AGBL1: variants seen among roughly 807,000 people sequenced by gnomAD.
AGBL1 encodes the protein AGBL carboxypeptidase 1.
A neutral mutation model predicts 118.9 loss-of-function variants in AGBL1; 130 were observed. The ratio of observed to expected loss-of-function variants is 1.09; its 90% CI spans 0.95 to 1.26. The LOEUF is 1.26. Among genes scored for constraint, AGBL1 ranks in the 50% most tolerant of loss-of-function variants. The pLI is 0.00. For synonymous variants in AGBL1, 555 were observed against 478.9 expected (o/e 1.16, Z -2.08); for missense variants, 1,584 against 1,298.1 (o/e 1.22, Z -3.38).
intron 6 of AGBL1, among the ~76,000 whole-genome samples, chr15:86,233,900 C>T (rs993912115): frequency 6.6e-6 from 1 of 152,118 alleles, no homozygotes; most frequent in Non-Finnish European, 1.5e-5. Flanking sequence ...CAGTATAATT[C>T]CACCTTCCCA....
chr15:86,194,178 T>C (rs933987451), intron 5 of AGBL1, among the ~76,000 whole-genome samples: 3 of 152,236 alleles, frequency 2.0e-5, no homozygotes, highest in African/African-American at 7.2e-5. Context: ...ATCTGCACTT[T>C]CTCAGCGAAC....
intron 22 of AGBL1, among the ~76,000 whole-genome samples, chr15:86,787,720 C>T (rs1448607221): frequency 2.0e-5 from 3 of 152,074 alleles, no homozygotes; most frequent in Non-Finnish European, 2.9e-5. Context: ...TTTTGAGGTT[C>T]TTATTGCATG....
At chr15:86,172,404 A>G (rs2077428189) in intron 5 of AGBL1, among the ~76,000 whole-genome samples, 1 of 152,186 alleles carries the variant, frequency 6.6e-6, no homozygotes, top group African/African-American at 2.4e-5. Context: ...TGAAATAGAT[A>G]TCGTTGTTAC....
chr15:86,581,436 G>A (rs2084170931), intron 21 of AGBL1, among the ~76,000 whole-genome samples: 1 of 152,106 alleles, frequency 6.6e-6, no homozygotes, highest in Non-Finnish European at 1.5e-5. Flanking sequence ...AATTATCATA[G>A]AAAGGAATTC....
At position 86,396,022 on chromosome 15, in the gene AGBL1, C is replaced by T. The variant is rs1290523371; in HGVS notation, c.2375-1344C>T. ...TCCGTGTGTGTCTTATTTCACTTAA[C>T]ACAATGTCCTCCAGACTCATCCATG... is the stretch of plus-strand genomic sequence containing the variant. On this transcript the variant is annotated intron_variant, in intron 17 of 22. Coordinates refer to ENST00000614907, the MANE Select transcript of AGBL1 (RefSeq NM_001386094.1). Among the ~76,000 whole-genome samples, 5 of 151,610 alleles carry T rather than the reference C, an allele frequency of 3.3e-5. No individual in the cohort carries two copies. In the East Asian group the frequency reaches 7.8e-4, roughly 24 times the overall value.
rs188418786 is a variant in AGBL1, at chr15:86,266,530, T to C, written c.1751+73T>C. 785 of 1,072,346 alleles carry C rather than the reference T, an allele frequency of 7.3e-4. 1 individual carries two copies. The African/African-American group carries it at 0.011, about 15-fold the overall frequency. The allele number at this position is 1,072,346 out of a possible 1,614,324, so 66.4% of individuals were successfully genotyped here. ...TTAATGGCATGAGAATAGACATGTT[T>C]CCTGTTAATAATCCACTCCTCCTCC... is the stretch of plus-strand genomic sequence containing the variant. On this transcript the variant is annotated intron_variant, in intron 12 of 22. Coordinates refer to ENST00000614907, the MANE Select transcript of AGBL1 (RefSeq NM_001386094.1).
At chr15:86,488,750 C>T (rs1233883289) in intron 18 of AGBL1, among the ~76,000 whole-genome samples, 4 of 152,000 alleles carry the variant, frequency 2.6e-5, no homozygotes, top group Non-Finnish European at 4.4e-5. Context: ...CCCTCTCTAC[C>T]GGGCCCTTTC....
intron 18 of AGBL1, among the ~76,000 whole-genome samples, chr15:86,402,385 A>G (rs1318009036): frequency 1.3e-5 from 2 of 152,048 alleles, no homozygotes; most frequent in African/African-American, 4.8e-5. Context: ...TAGGTATATA[A>G]TCATATCACT....
At chr15:86,791,633 A>G (rs1251356621) in intron 22 of AGBL1, among the ~76,000 whole-genome samples, 1 of 151,990 alleles carries the variant, frequency 6.6e-6, no homozygotes, top group Non-Finnish European at 1.5e-5. Context: ...TTTCTTGGGT[A>G]TCTAAATCTT....
chr15:86,932,569 T>G (rs2080618393), intron 23 of AGBL1, among the ~76,000 whole-genome samples: 1 of 152,184 alleles, frequency 6.6e-6, no homozygotes, highest in South Asian at 2.1e-4. Flanking sequence ...TGAGAATAAA[T>G]CAAATCACCA....
At chr15:86,903,576 A>G (rs2080241024) in intron 22 of AGBL1, among the ~76,000 whole-genome samples, 1 of 152,108 alleles carries the variant, frequency 6.6e-6, no homozygotes, top group Non-Finnish European at 1.5e-5. Context: ...AAACTTGGGC[A>G]TTTTGAGTAT....
chr15:86,996,985 G>A (rs907409780), intron 24 of AGBL1, among the ~76,000 whole-genome samples: 2 of 151,564 alleles, frequency 1.3e-5, no homozygotes, highest in African/African-American at 2.4e-5. Flanking sequence ...CTTATTTCTA[G>A]AATCATAACC....
chr15:86,958,166 C>T (rs899406470), intron 23 of AGBL1, among the ~76,000 whole-genome samples: 5 of 149,356 alleles, frequency 3.3e-5, no homozygotes, highest in African/African-American at 9.9e-5. Context: ...GATTGTGCCA[C>T]TGCACTCCAG....
At chr15:86,267,317 A>C (rs534392937) in intron 13 of AGBL1, among the ~76,000 whole-genome samples, 1 of 121,584 alleles carries the variant, frequency 8.2e-6, no homozygotes, top group Non-Finnish European at 1.8e-5. Context: ...CTACACTGAT[A>C]TCATAGCTAA....
intron 6 of AGBL1, among the ~76,000 whole-genome samples, chr15:86,245,084 A>T (rs2078699276): frequency 6.6e-6 from 1 of 152,208 alleles, no homozygotes; most frequent in Non-Finnish European, 1.5e-5. Context: ...AAAAACAAAC[A>T]AACAAACACC....
intron 16 of AGBL1, among the ~76,000 whole-genome samples, chr15:86,286,564 T>C (rs2079451396): frequency 6.6e-6 from 1 of 151,816 alleles, no homozygotes; most frequent in Admixed American, 6.6e-5. Flanking sequence ...GATCAGGTGG[T>C]TATTTGTCTC....
chr15:86,952,802 T>C (rs1001715937), intron 23 of AGBL1, among the ~76,000 whole-genome samples: 1 of 152,208 alleles, frequency 6.6e-6, no homozygotes, highest in African/African-American at 2.4e-5. Context: ...AAAGAATTTT[T>C]AGAGTTTGAG....
chr15:86,247,022 C>T (rs1161980797), intron 6 of AGBL1, among the ~76,000 whole-genome samples: 2 of 152,142 alleles, frequency 1.3e-5, no homozygotes, highest in African/African-American at 2.4e-5. Flanking sequence ...AAGGTACAGA[C>T]TTTCATATAC....
chr15:86,733,620 A>T (rs937981143), intron 22 of AGBL1, among the ~76,000 whole-genome samples: 1 of 152,120 alleles, frequency 6.6e-6, no homozygotes, highest in Non-Finnish European at 1.5e-5. Context: ...GTTGTATTTA[A>T]ATATCACTAA....
Sources: allele counts gnomAD v4.1 joint callset (sites outside exome capture counted in the v4.1 genomes callset), GRCh38; gene constraint gnomAD v4.1.1; transcripts MANE v1.5; gene names NCBI Gene and HGNC (gene_info 2026-07-23, HGNC 2026-07-21).